The following SLC2A13 variants were observed in gnomAD, a reference collection of about 807,000 sequenced individuals.
SLC2A13 encodes the protein proton myo-inositol cotransporter.
In SLC2A13, 32 loss-of-function variants were observed where a neutral mutation model predicts 64.4. That is an observed-to-expected ratio of 0.50 (90% confidence interval 0.37 to 0.67). The LOEUF is 0.67. Among genes scored for constraint, SLC2A13 ranks in the 30% least tolerant of loss-of-function variants. SLC2A13 has a pLI of 0.00. For missense variants in SLC2A13, 743 were observed against 829.2 expected, an observed-to-expected ratio of 0.90 and a Z score of 1.28; for synonymous variants, 338 against 327.1, an observed-to-expected ratio of 1.03 and a Z score of -0.36.
intron 7 of SLC2A13, among the ~76,000 whole-genome samples, chr12:39,780,827 A>G (rs1384799126): frequency 6.6e-6 from 1 of 152,204 alleles, no homozygotes; most frequent in Non-Finnish European, 1.5e-5. Flanking sequence ...TCATGACAGT[A>G]AGGAACTAAA....
intron 4 of SLC2A13, among the ~76,000 whole-genome samples, chr12:39,919,787 A>C (rs1471246423): frequency 6.6e-6 from 1 of 152,130 alleles, no homozygotes; most frequent in African/African-American, 2.4e-5. Context: ...TGTTTTAATA[A>C]GATTTTATTT....
At chr12:40,078,155 T>C (rs1381715311) in intron 1 of SLC2A13, among the ~76,000 whole-genome samples, 1 of 152,200 alleles carries the variant, frequency 6.6e-6, no homozygotes, top group Non-Finnish European at 1.5e-5. Flanking sequence ...TTCTCTTGCA[T>C]GATTGCTCTG....
chr12:40,075,390 C>T (rs1168976066), intron 1 of SLC2A13, among the ~76,000 whole-genome samples: 1 of 152,168 alleles, frequency 6.6e-6, no homozygotes, highest in Non-Finnish European at 1.5e-5. Flanking sequence ...CTGTATCCAC[C>T]TGCCTCTCCA....
chr12:39,987,942 GTGAAATCCCCCAC>G (rs1405855245), intron 3 of SLC2A13, among the ~76,000 whole-genome samples: 1 of 152,050 alleles, frequency 6.6e-6, no homozygotes, highest in Admixed American at 6.6e-5. Flanking sequence ...AAGAAAAAGA[GTGAAATCCCCCAC>G]TGACCCTCCA....
intron 3 of SLC2A13, among the ~76,000 whole-genome samples, chr12:39,971,531 G>A (rs1454823876): frequency 6.6e-6 from 1 of 152,022 alleles, no homozygotes; most frequent in East Asian, 1.9e-4. Flanking sequence ...AACATCTCTG[G>A]GTGGATGAAA....
intron 7 of SLC2A13, among the ~76,000 whole-genome samples, chr12:39,778,666 T>C (rs1193000040): frequency 6.6e-6 from 1 of 152,222 alleles, no homozygotes; most frequent in Non-Finnish European, 1.5e-5. Flanking sequence ...ATAGACTCTA[T>C]TGAACTCATT....
intron 1 of SLC2A13, among the ~76,000 whole-genome samples, chr12:40,070,313 T>C (rs551912580): frequency 5.3e-4 from 80 of 152,100 alleles, no homozygotes; most frequent in Admixed American, 1.1e-3. Context: ...AGTCACCAAC[T>C]ACACTGTCCT....
chr12:39,895,149 G>A (rs1944708225), intron 4 of SLC2A13, among the ~76,000 whole-genome samples: 1 of 152,040 alleles, frequency 6.6e-6, no homozygotes, highest in African/African-American at 2.4e-5. Flanking sequence ...GACTACAGGT[G>A]CATATCACTG....
chr12:39,845,459 G>A (rs911765638), intron 6 of SLC2A13, among the ~76,000 whole-genome samples: 2 of 152,116 alleles, frequency 1.3e-5, no homozygotes, highest in African/African-American at 4.8e-5. Context: ...ATCAAAGGAA[G>A]AAACACATTT....
chr12:39,968,123 G>A (rs1264710257), intron 3 of SLC2A13, among the ~76,000 whole-genome samples: 12 of 152,132 alleles, frequency 7.9e-5, no homozygotes, highest in Admixed American at 7.9e-4. Context: ...AAAGGAAAGA[G>A]GTTTAATGGA....
chr12:39,867,727 T>C lies in SLC2A13; in HGVS notation c.1199-2845A>G, dbSNP rs768799291. Among the ~76,000 whole-genome samples, 28 of 152,194 alleles carry C rather than the reference T, an allele frequency of 1.8e-4. 1 individual carries two copies. Among genetic ancestry groups the C allele is most frequent in the Non-Finnish European group, 2.4e-4 (16 of 68,024 alleles). On this transcript the variant is annotated intron_variant, in intron 5 of 9. Transcript: ENST00000280871. ...GAGGAAAATATTTTAAAAGCCAGCA[T>C]TATACTCTTTTGTTATTATATATAG...
intron 1 of SLC2A13, among the ~76,000 whole-genome samples, chr12:40,102,199 T>C (rs1345406860): frequency 3.9e-5 from 6 of 152,226 alleles, no homozygotes; most frequent in Non-Finnish European, 7.3e-5. Context: ...TACTCCATTA[T>C]AAAATGAACA....
At chr12:39,986,280 C>T (rs559601120) in intron 3 of SLC2A13, among the ~76,000 whole-genome samples, 1 of 152,126 alleles carries the variant, frequency 6.6e-6, no homozygotes, top group South Asian at 2.1e-4. Context: ...GGGACACAAA[C>T]ATTTGGACCA....
intron 1 of SLC2A13, among the ~76,000 whole-genome samples, chr12:40,094,346 C>T (rs932893189): frequency 1.3e-5 from 2 of 152,000 alleles, no homozygotes; most frequent in African/African-American, 4.8e-5. Flanking sequence ...ATGAGATCCC[C>T]AAAGGAGTAA....
intron 1 of SLC2A13, among the ~76,000 whole-genome samples, chr12:40,065,958 A>C (rs1024264632): frequency 1.6e-4 from 24 of 152,208 alleles, no homozygotes; most frequent in African/African-American, 5.8e-4. Context: ...AAGACTGTCT[A>C]ATCCTAATAT....
At position 39,874,657 on chromosome 12, in the gene SLC2A13, T is replaced by C. The variant is rs201535675; in HGVS notation, c.1035-2696A>G. ...AAAGAATGCATACAAATGAGAAGTA[T>C]GATGTAAGGCTATAGCAGAAGCTTC... is the stretch of plus-strand genomic sequence containing the variant. On this transcript the variant is annotated intron_variant, in intron 4 of 9. Coordinates refer to ENST00000280871, the MANE Select transcript of SLC2A13 (RefSeq NM_052885.4). Among the ~76,000 whole-genome samples the C allele has an allele frequency of 4.7e-5, 7 of 149,384 alleles. No homozygotes were observed. The East Asian group carries it at 9.8e-4, about 21-fold the overall frequency.
intron 6 of SLC2A13, among the ~76,000 whole-genome samples, chr12:39,852,391 A>G (rs1300868313): frequency 6.6e-6 from 1 of 152,222 alleles, no homozygotes; most frequent in Non-Finnish European, 1.5e-5. Flanking sequence ...TAACAAATGT[A>G]AAGTGCTTAC....
At chr12:39,778,927 G>A (rs1259477341) in intron 7 of SLC2A13, among the ~76,000 whole-genome samples, 3 of 152,198 alleles carry the variant, frequency 2.0e-5, no homozygotes, top group Admixed American at 6.5e-5. Flanking sequence ...TTTAGGTTAA[G>A]AGTTTAATAA....
In SLC2A13 at chr12:39,816,267, C is replaced by T. The variant is rs541487180; in HGVS notation, c.1445+13836G>A. 3.9e-5 allele frequency among the ~76,000 whole-genome samples: 6 copies of T among 152,068 alleles called. No individual in the cohort carries two copies. The South Asian group carries it at 6.2e-4, about 16-fold the overall frequency. On this transcript the variant is annotated intron_variant, in intron 7 of 9. Coordinates refer to ENST00000280871, the MANE Select transcript of SLC2A13 (RefSeq NM_052885.4). ...CATTTCTTCTACAAACAAAAATTTC[C>T]TTTTCTCACTGATGGGGTGAAGGAT... is the stretch of plus-strand genomic sequence containing the variant.
Sources: allele counts gnomAD v4.1 joint callset (sites outside exome capture counted in the v4.1 genomes callset), GRCh38; gene constraint gnomAD v4.1.1; transcripts MANE v1.5; gene names NCBI Gene and HGNC (gene_info 2026-07-23, HGNC 2026-07-21).